ZNF521: variants seen among roughly 807,000 people sequenced by gnomAD.
The protein encoded by ZNF521 is zinc finger protein 521, also known as LYST-interacting protein 3.
A neutral mutation model predicts 105.5 loss-of-function variants in ZNF521; 14 were observed. The observed-to-expected ratio is 0.13, with a 90% confidence interval of 0.09 to 0.21. ZNF521 has a LOEUF of 0.21. Ranked by LOEUF, ZNF521 falls within the 10% of genes least tolerant of loss-of-function variation. The probability of loss-of-function intolerance (pLI) is 1.00; values close to 1 mark genes in which losing one functional copy is unlikely to be tolerated. For synonymous variants in ZNF521, 635 were observed against 606.0 expected (o/e 1.05, Z -0.70); for missense variants, 1,233 against 1,629.7 (o/e 0.76, Z 4.19).
chr18:25,126,706 AATAAG>A (rs1171703788), intron 5 of ZNF521, among the ~76,000 whole-genome samples: 2 of 152,118 alleles, frequency 1.3e-5, no homozygotes, highest in African/African-American at 4.8e-5. Flanking sequence ...AGATAAGCAC[AATAAG>A]ATAAATCTTG....
chr18:25,207,343 GCTA>G (rs199850127), intron 4 of ZNF521, among the ~76,000 whole-genome samples: 1 of 115,118 alleles, frequency 8.7e-6, no homozygotes, highest in African/African-American at 3.8e-5. Flanking sequence ...AAAAGGAGCT[GCTA>G]TTATTGCCAT....
chr18:25,152,430 G>T (rs1317110277), intron 5 of ZNF521, among the ~76,000 whole-genome samples: 2 of 150,372 alleles, frequency 1.3e-5, no homozygotes, highest in Non-Finnish European at 2.9e-5. Flanking sequence ...AGCAAGCTGA[G>T]ATCGTGCCAC....
intron 3 of ZNF521, among the ~76,000 whole-genome samples, chr18:25,275,340 G>A (rs192940436): frequency 2.2e-4 from 34 of 152,200 alleles, no homozygotes; most frequent in African/African-American, 7.7e-4. Context: ...ACTAAAAGGG[G>A]GACAAATAAG....
chr18:25,308,497 C>T (rs1034202477), intron 3 of ZNF521, among the ~76,000 whole-genome samples: 2 of 152,110 alleles, frequency 1.3e-5, no homozygotes, highest in African/African-American at 4.8e-5. Context: ...CCAGCAGATT[C>T]TATGCTGCTT....
At chr18:25,199,969 T>A (rs561843584) in intron 4 of ZNF521, among the ~76,000 whole-genome samples, 2 of 151,886 alleles carry the variant, frequency 1.3e-5, no homozygotes, top group Non-Finnish European at 2.9e-5. Flanking sequence ...AGAACTTGTA[T>A]GTAAAAAAAA....
rs192468148 is a variant in ZNF521 at position 25,206,402 on chromosome 18, C to A, written c.3574-11158G>T. 2.0e-5 allele frequency among the ~76,000 whole-genome samples: 3 copies of A among 152,118 alleles called. No homozygotes were observed. In the East Asian group the frequency reaches 5.8e-4, roughly 29 times the overall value. ...TACCTGTTCACTGTGCAATAAAAAT[C>A]TTTGCTTCCTTCTACTTCTCTTTAG... On this transcript the variant is annotated intron_variant, in intron 4 of 7. Transcript: ENST00000361524.
chr18:25,351,880 G>GGCGGCGGCAGCAGCGGCGGCA (rs1555669412), intron 1 of ZNF521, 125 bp downstream of exon 1: 3 of 271,468 alleles, frequency 1.1e-5, no homozygotes, highest in East Asian at 2.9e-4. Flanking sequence ...CCTCGGCAGC[G>GGCGGCGGCAGCAGCGGCGGCA]GCGGCGGCAG....
At chr18:25,192,296 T>A (rs2035832041) in intron 5 of ZNF521, among the ~76,000 whole-genome samples, 1 of 152,168 alleles carries the variant, frequency 6.6e-6, no homozygotes, top group South Asian at 2.1e-4. Flanking sequence ...GCTGCAAAAC[T>A]GCACTTAAGA....
chr18:25,274,358 C>T (rs1909895040), intron 3 of ZNF521, among the ~76,000 whole-genome samples: 1 of 152,192 alleles, frequency 6.6e-6, no homozygotes, highest in South Asian at 2.1e-4. Context: ...TCTCTTCTAA[C>T]TTCTGGATCT....
intron 3 of ZNF521, among the ~76,000 whole-genome samples, chr18:25,299,413 G>A (rs1425053492): frequency 6.6e-6 from 1 of 152,146 alleles, no homozygotes; most frequent in Non-Finnish European, 1.5e-5. Context: ...AAGTAACTGT[G>A]AAGAATTCTG....
intron 5 of ZNF521, among the ~76,000 whole-genome samples, chr18:25,123,184 G>T (rs944810223): frequency 6.6e-6 from 1 of 151,648 alleles, no homozygotes; most frequent in Non-Finnish European, 1.5e-5. Context: ...TTAGAACAAA[G>T]AAGTAAGAGA....
chr18:25,234,444 T>C (rs2144767550), intron 3 of ZNF521, among the ~76,000 whole-genome samples: 1 of 152,360 alleles, frequency 6.6e-6, no homozygotes, highest in African/African-American at 2.4e-5. Context: ...ATTGCTTTAA[T>C]CCATTGATTT....
intron 3 of ZNF521, among the ~76,000 whole-genome samples, chr18:25,253,306 C>A (rs1600217218): frequency 6.6e-6 from 1 of 152,152 alleles, no homozygotes; most frequent in Non-Finnish European, 1.5e-5. Context: ...AGACCCTTAA[C>A]CCCTGAAGTA....
chr18:25,124,222 C>A (rs145595211), intron 5 of ZNF521, among the ~76,000 whole-genome samples: 348 of 152,232 alleles, frequency 2.3e-3, no homozygotes, highest in African/African-American at 8.1e-3. Flanking sequence ...GTTCCCCTTT[C>A]TGTACCCATC....
At chr18:25,209,936 G>T (rs908970037) in intron 4 of ZNF521, among the ~76,000 whole-genome samples, 2 of 151,996 alleles carry the variant, frequency 1.3e-5, no homozygotes, top group African/African-American at 2.4e-5. Context: ...ACTAAACTAT[G>T]TTTTTTCCAC....
At chr18:25,303,296 G>T (rs1219494082) in intron 3 of ZNF521, among the ~76,000 whole-genome samples, 18 of 112,930 alleles carry the variant, frequency 1.6e-4, no homozygotes, top group Non-Finnish European at 2.8e-4. Flanking sequence ...GTGTGTGTGT[G>T]TGTGTGTGTG....
intron 5 of ZNF521, among the ~76,000 whole-genome samples, chr18:25,165,751 AAC>A (rs1054801147): frequency 6.6e-6 from 1 of 152,242 alleles, no homozygotes; most frequent in African/African-American, 2.4e-5. Flanking sequence ...TTTCTTTGAA[AAC>A]ACACTGTAGA....
intron 3 of ZNF521, among the ~76,000 whole-genome samples, chr18:25,321,156 A>G (rs1055389497): frequency 2.6e-5 from 4 of 152,248 alleles, no homozygotes; most frequent in African/African-American, 9.6e-5. Flanking sequence ...AGAGAGACAC[A>G]CACATACACA....
intron 4 of ZNF521, among the ~76,000 whole-genome samples, chr18:25,213,597 T>C (rs1019133506): frequency 1.9e-4 from 29 of 152,180 alleles, no homozygotes; most frequent in African/African-American, 6.7e-4. Context: ...GTGGCCTACA[T>C]TTCTCTTTTT....
Sources: allele counts gnomAD v4.1 joint callset (sites outside exome capture counted in the v4.1 genomes callset), GRCh38; gene constraint gnomAD v4.1.1; transcripts MANE v1.5; gene names NCBI Gene and HGNC (gene_info 2026-07-23, HGNC 2026-07-21).